Variants in ART1 observed in about 807,000 individuals in gnomAD.
ART1 encodes the protein GPI-linked NAD(P)(+)--arginine ADP-ribosyltransferase 1.
Under a neutral mutation model 27.0 loss-of-function variants are expected in ART1, and 29 were observed. That is an observed-to-expected ratio of 1.08 (90% CI 0.80 to 1.47). The LOEUF is 1.47. Ranked by LOEUF, ART1 falls within the 40% of genes most tolerant of loss-of-function variation. The pLI is 0.00. For synonymous variants in ART1, 201 were observed against 172.2 expected, an observed-to-expected ratio of 1.17 and a Z score of -1.31; for missense variants, 480 against 423.0, an observed-to-expected ratio of 1.13 and a Z score of -1.18.
chr11:3,652,379 C>T (rs1289034141), intron 1 of ART1, among the ~76,000 whole-genome samples: 8 of 148,912 alleles, frequency 5.4e-5, no homozygotes, highest in Non-Finnish European at 1.2e-4. Flanking sequence ...AGCAGTTTTT[C>T]AGGCTCTTAG....
chr11:3,664,144 G>A lies in ART1; in HGVS notation c.939G>A (p.Trp313Ter), dbSNP rs372804191. Residue 313 changes from tryptophan to a stop codon, truncating the protein, a stop_gained, in exon 5 of 5, where the codon TGG (tryptophan) becomes TGA (stop). Transcript: ENST00000250693. LOFTEE classifies it high-confidence loss of function. The part of the protein sequence containing the change: ...SAVWSLLLLL[W>*]FLVVRAFPDG... The stretch of plus-strand genomic sequence containing the variant: ...TCTGGTCTTTGCTGCTGCTGCTCTG[G>A]TTCCTCGTGGTGAGGGCCTTTCCAG... 8.7e-6 allele frequency: 14 copies of A among 1,613,836 alleles called. No homozygotes were observed. The African/African-American group carries it at 1.5e-4, about 17-fold the overall frequency.
chr11:3,655,170 C>G (rs924211764), intron 1 of ART1, among the ~76,000 whole-genome samples: 5 of 152,160 alleles, frequency 3.3e-5, no homozygotes, highest in Non-Finnish European at 4.4e-5. Context: ...CTGTTCCTCA[C>G]GTGTTCATTC....
chr11:3,664,236 A>G lies in ART1; in HGVS notation c.*47A>G. On this transcript the variant is annotated 3_prime_UTR_variant, in exon 5 of 5. Coordinates refer to ENST00000250693, the MANE Select transcript of ART1 (RefSeq NM_004314.3). ...TCGCCTGCTGCCTCTGCCCATCCTGAGGATGTTGGCCATGTGTGCTTTCAG... is the reference window on the plus strand; with the variant it reads ...TCGCCTGCTGCCTCTGCCCATCCTGGGGATGTTGGCCATGTGTGCTTTCAG... 1 of 1,576,170 alleles carries G rather than the reference A, an allele frequency of 6.3e-7. No homozygotes were observed.
chr11:3,661,488 A>ATATTTTT, intron 4 of ART1, 75 bp downstream of exon 4: 1 of 365,746 alleles, frequency 2.7e-6, no homozygotes, highest in Non-Finnish European at 4.5e-6. Context: ...CATCACCTCG[A>ATATTTTT]TCTTTTTTTT....
chr11:3,655,660 ACT>A (rs1251919287), intron 1 of ART1: 1 of 151,842 alleles, frequency 6.6e-6, no homozygotes, highest in Non-Finnish European at 1.5e-5. Context: ...TGTCAGGTAC[ACT>A]CTCTTTTACC....
At chr11:3,655,146 G>C (rs1350496330) in intron 1 of ART1, among the ~76,000 whole-genome samples, 2 of 152,132 alleles carry the variant, frequency 1.3e-5, no homozygotes, top group Non-Finnish European at 2.9e-5. Context: ...CCTTGCTCTG[G>C]GCTGGGCTCA....
At chr11:3,650,234 G>A (rs1284236437) in intron 1 of ART1, among the ~76,000 whole-genome samples, 2 of 152,144 alleles carry the variant, frequency 1.3e-5, no homozygotes, top group Admixed American at 6.5e-5. Flanking sequence ...TGGCCACTGG[G>A]CCAAGGAATA....
Position 3,659,675 on chromosome 11 carries a change from C to G in ART1, c.156C>G (p.Gly52=). 1 of 1,613,930 alleles carries G rather than the reference C, an allele frequency of 6.2e-7. No homozygotes were observed. Among genetic ancestry groups the G allele is most frequent in the Non-Finnish European group, 8.5e-7 (1 of 1,180,020 alleles). Reference sequence around the variant, plus strand: ...CCTCCTTTGATGACCAGTACGCTGGCTGTGCTGCTGCCATGACAGCTGCTC... The same window carrying G: ...CCTCCTTTGATGACCAGTACGCTGGGTGTGCTGCTGCCATGACAGCTGCTC... ...ALASFDDQYA[G]CAAAMTAALP... is the part of the protein sequence containing the mutation. Residue 52 remains glycine (G), a synonymous_variant, in exon 3 of 5, where the codon GGC becomes GGG. Transcript: ENST00000250693.
chr11:3,660,074 C>A lies in ART1; in HGVS notation c.555C>A (p.Arg185=), dbSNP rs2077607675. 6.2e-7 allele frequency: 1 copy of A among 1,613,650 alleles called. No individual in the cohort carries two copies. Among genetic ancestry groups the A allele is most frequent in the Non-Finnish European group, 8.5e-7 (1 of 1,179,930 alleles). Residue 185 remains arginine (R), a synonymous_variant, in exon 3 of 5, where the codon CGC becomes CGA. Coordinates refer to ENST00000250693, the MANE Select transcript of ART1 (RefSeq NM_004314.3). The part of the protein sequence containing the change: ...HQVFRGVHGL[R]FRPAGPRATV... Reference sequence around the variant, plus strand: ...TGTTCCGAGGTGTGCACGGCCTGCGCTTCCGGCCAGCAGGGCCCCGGGCCA... The same window carrying A: ...TGTTCCGAGGTGTGCACGGCCTGCGATTCCGGCCAGCAGGGCCCCGGGCCA...
chr11:3,660,252 C>A lies in ART1; in HGVS notation c.733C>A (p.Pro245Thr). 3 of 1,613,488 alleles carry A rather than the reference C, an allele frequency of 1.9e-6. No homozygotes were observed. Among genetic ancestry groups the A allele is most frequent in the South Asian group, 1.1e-5 (1 of 91,082 alleles). ...TGGAGAGGAAGAGGTGCTGATCCCC[C>A]CCTTTGAGACCTTCCAAGTGATCAA... is the stretch of plus-strand genomic sequence containing the variant. ...FPGEEEVLIP[P>T]FETFQVINAS... is the part of the protein sequence containing the mutation. The change falls in exon 3 of 5, where the codon CCC becomes ACC. Residue 245 changes from proline to threonine, a missense_variant. By Grantham distance (38) the Pro-to-Thr change is conservative. Coordinates refer to ENST00000250693, the MANE Select transcript of ART1 (RefSeq NM_004314.3).
rs372804191 is a variant in ART1, at chr11:3,664,144, G to C, written c.939G>C (p.Trp313Cys). 6 of 1,613,954 alleles carry C rather than the reference G, an allele frequency of 3.7e-6. No individual in the cohort carries two copies. In the African/African-American group the frequency reaches 8.0e-5, roughly 22 times the overall value. ...TCTGGTCTTTGCTGCTGCTGCTCTGGTTCCTCGTGGTGAGGGCCTTTCCAG... is the reference window on the plus strand; with the variant it reads ...TCTGGTCTTTGCTGCTGCTGCTCTGCTTCCTCGTGGTGAGGGCCTTTCCAG... The part of the protein sequence containing the change: ...SAVWSLLLLL[W>C]FLVVRAFPDG... The change falls in exon 5 of 5, where the codon TGG (tryptophan) becomes TGC (cysteine). Residue 313 changes from tryptophan to cysteine, a missense_variant. Transcript: ENST00000250693.
At chr11:3,659,406 G>T in intron 2 of ART1, 130 bp downstream of exon 2, 1 of 1,425,048 alleles carries the variant, frequency 7.0e-7, no homozygotes, top group Non-Finnish European at 9.7e-7. Context: ...CAGCCCAAGG[G>T]GACAGCTCCA....
At chr11:3,650,307 A>G (rs1332986366) in intron 1 of ART1, among the ~76,000 whole-genome samples, 1 of 152,124 alleles carries the variant, frequency 6.6e-6, no homozygotes, top group Non-Finnish European at 1.5e-5. Flanking sequence ...TGAAAATCGG[A>G]CTGTTCAACT....
chr11:3,652,974 A>G (rs1257692142), intron 1 of ART1, among the ~76,000 whole-genome samples: 1 of 148,232 alleles, frequency 6.7e-6, no homozygotes, highest in Admixed American at 6.6e-5. Flanking sequence ...ATTCATACAA[A>G]GCCATATCCA....
Position 3,659,675 on chromosome 11 carries a change from C to A in ART1, c.156C>A (p.Gly52=). The stretch of plus-strand genomic sequence containing the variant: ...CCTCCTTTGATGACCAGTACGCTGG[C>A]TGTGCTGCTGCCATGACAGCTGCTC... ...ALASFDDQYA[G]CAAAMTAALP... The change falls in exon 3 of 5, where the codon GGC becomes GGA. Residue 52 remains glycine, a synonymous_variant. Transcript: ENST00000250693. 1 of 1,613,930 alleles carries A rather than the reference C, an allele frequency of 6.2e-7. No homozygotes were observed. The highest frequency in any genetic ancestry group is 8.5e-7 in the Non-Finnish European group (1 of 1,180,020).
chr11:3,649,845 G>C (rs995308320), intron 1 of ART1, among the ~76,000 whole-genome samples: 5 of 152,046 alleles, frequency 3.3e-5, no homozygotes, highest in Non-Finnish European at 7.4e-5. Context: ...GAAAAACCCC[G>C]CCCAGTTCAT....
chr11:3,664,041 C>T (rs774115524), intron 4 of ART1, 51 bp from the exon 5 acceptor site: 3 of 1,586,250 alleles, frequency 1.9e-6, no homozygotes, highest in South Asian at 1.1e-5. Context: ...TCCTAAATAC[C>T]TCTTTTTTTC....
rs953896047 is a variant in ART1, at chr11:3,660,653, C to T, written c.844+290C>T. On this transcript the variant is annotated intron_variant, in intron 3 of 4. Transcript: ENST00000250693. Reference sequence around the variant, plus strand: ...CTGGCCATTTGAGTGGGCAAGCAGACCCGGTCGGGCTTTTCTCCTGGTCAG... The same window carrying T: ...CTGGCCATTTGAGTGGGCAAGCAGATCCGGTCGGGCTTTTCTCCTGGTCAG... Among the ~76,000 whole-genome samples the T allele has an allele frequency of 5.9e-5, 9 of 152,182 alleles. 1 individual carries two copies. Among genetic ancestry groups the T allele is most frequent in the Admixed American group, 1.3e-4 (2 of 15,268 alleles).
At chr11:3,647,996 G>T (rs2077483807) in intron 1 of ART1, among the ~76,000 whole-genome samples, 1 of 152,166 alleles carries the variant, frequency 6.6e-6, no homozygotes, top group Non-Finnish European at 1.5e-5. Context: ...CCTGTGACCT[G>T]CACAAACACA....
Sources: gnomAD v4.1 joint callset for allele counts (sites outside exome capture counted in the v4.1 genomes callset) on GRCh38, gnomAD v4.1.1 for gene constraint, MANE v1.5 for transcripts, NCBI Gene and HGNC (gene_info 2026-07-23, HGNC 2026-07-21) for gene names.